HIF1A: variants seen among roughly 807,000 people sequenced by gnomAD.
HIF1A encodes the protein hypoxia-inducible factor 1-alpha.
HIF1A carries 24 observed loss-of-function variants against 92.7 expected under a neutral mutation model. That is an observed-to-expected ratio of 0.26 (90% CI 0.19 to 0.36). HIF1A has a LOEUF of 0.36. Among genes scored for constraint, HIF1A ranks in the 10% least tolerant of loss-of-function variants. The probability of loss-of-function intolerance (pLI) is 1.00; values close to 1 mark genes in which losing one functional copy is unlikely to be tolerated. For missense variants in HIF1A, 799 were observed against 998.5 expected (o/e 0.80, Z 2.69); for synonymous variants, 319 against 338.7 (o/e 0.94, Z 0.64).
At chr14:61,742,318 A>G (rs916416141) in intron 12 of HIF1A, among the ~76,000 whole-genome samples, 2 of 152,254 alleles carry the variant, frequency 1.3e-5, no homozygotes, top group Non-Finnish European at 2.9e-5. Context: ...TATCAATAGC[A>G]ATAGGAAAGA....
intron 1 of HIF1A, among the ~76,000 whole-genome samples, chr14:61,713,287 G>A (rs1295085720): frequency 6.6e-6 from 1 of 152,184 alleles, no homozygotes; most frequent in African/African-American, 2.4e-5. Context: ...TATGGTGATG[G>A]TTTCAGAAAG....
intron 4 of HIF1A, among the ~76,000 whole-genome samples, chr14:61,723,201 TATA>T (rs2044454624): frequency 6.6e-6 from 1 of 152,244 alleles, no homozygotes; most frequent in Non-Finnish European, 1.5e-5. Context: ...TCTCATTTAT[TATA>T]ATAATAGCTA....
chr14:61,716,221 A>G (rs566533418), intron 1 of HIF1A, among the ~76,000 whole-genome samples: 1 of 35,320 alleles, frequency 2.8e-5, no homozygotes, highest in African/African-American at 4.7e-5. Context: ...ATACACATTC[A>G]TGAACTGGCA....
intron 12 of HIF1A, among the ~76,000 whole-genome samples, chr14:61,742,438 T>A (rs1050576854): frequency 2.6e-5 from 4 of 152,156 alleles, no homozygotes; most frequent in African/African-American, 7.2e-5. Context: ...ACATTGGGGC[T>A]TTAGATGAAC....
chr14:61,726,672 G>A (rs1298868109), intron 4 of HIF1A, 34 bp from the exon 5 acceptor site: 2 of 1,340,626 alleles, frequency 1.5e-6, no homozygotes, highest in African/African-American at 3.0e-5. Context: ...TGTATATTTA[G>A]TTGCTTTAAA....
intron 1 of HIF1A, among the ~76,000 whole-genome samples, chr14:61,714,468 A>G (rs545367721): frequency 6.6e-6 from 1 of 152,340 alleles, no homozygotes; most frequent in Non-Finnish European, 1.5e-5. Flanking sequence ...CCTGTGGGAA[A>G]TGATGGAATT....
chr14:61,739,096 C>G (rs925428241), intron 10 of HIF1A, among the ~76,000 whole-genome samples: 1 of 152,104 alleles, frequency 6.6e-6, no homozygotes, highest in Non-Finnish European at 1.5e-5. Context: ...AATAGACTTA[C>G]GAGGGTTTAA....
At chr14:61,745,353 G>A (rs1243314878) in intron 13 of HIF1A, among the ~76,000 whole-genome samples, 5 of 152,188 alleles carry the variant, frequency 3.3e-5, no homozygotes, top group African/African-American at 1.2e-4. Context: ...AACCCGGGAG[G>A]TGGAGGTTGC....
At chr14:61,736,826 C>A in intron 8 of HIF1A, 63 bp from the exon 9 acceptor site, 1 of 1,124,592 alleles carries the variant, frequency 8.9e-7, no homozygotes, top group South Asian at 1.4e-5. Flanking sequence ...ATTTCACAGT[C>A]TCCCTTCCCC....
intron 8 of HIF1A, among the ~76,000 whole-genome samples, chr14:61,736,525 T>C (rs1369926521): frequency 6.6e-6 from 1 of 152,170 alleles, no homozygotes; most frequent in Non-Finnish European, 1.5e-5. Flanking sequence ...GCCATCTTTA[T>C]GTCCACAAGT....
intron 1 of HIF1A, among the ~76,000 whole-genome samples, chr14:61,713,831 G>A (rs1418646638): frequency 6.6e-6 from 1 of 152,190 alleles, no homozygotes; most frequent in African/African-American, 2.4e-5. Flanking sequence ...TGAGGGGGCA[G>A]TCTTGGGGAC....
At chr14:61,726,630 TG>T in intron 4 of HIF1A, 75 bp from the exon 5 acceptor site, 1 of 803,848 alleles carries the variant, frequency 1.2e-6, no homozygotes, top group Non-Finnish European at 2.0e-6. Context: ...ATCTAGGTGA[TG>T]GGCACTTTGT....
In HIF1A at chr14:61,720,950, A is replaced by G. The variant is rs1239225785; in HGVS notation, c.226+378A>G. ...CCATCTACCTTTCTTCCTTTAAAAA[A>G]CATGACTCAGGCCGGGCGCGGTGGC... is the stretch of plus-strand genomic sequence containing the variant. On this transcript the variant is annotated intron_variant, in intron 2 of 14. Coordinates refer to ENST00000337138, the MANE Select transcript of HIF1A (RefSeq NM_001530.4). Among the ~76,000 whole-genome samples the G allele has an allele frequency of 3.3e-5, 5 of 152,172 alleles. No individual in the cohort carries two copies. The East Asian group carries it at 9.6e-4, about 29-fold the overall frequency.
chr14:61,700,081 A>G (rs2044161795), intron 1 of HIF1A, among the ~76,000 whole-genome samples: 1 of 152,046 alleles, frequency 6.6e-6, no homozygotes, highest in African/African-American at 2.4e-5. Flanking sequence ...AAAATTTAAA[A>G]TTTTTGTTTC....
At chr14:61,723,289 CACA>C (rs3059957) in intron 4 of HIF1A, among the ~76,000 whole-genome samples, 109,459 of 151,970 alleles carry the variant, frequency 0.72, 44,921 homozygotes, top group Non-Finnish European at 0.9. Context: ...CTTTATTCCT[CACA>C]ACAACCCTGT....
intron 4 of HIF1A, among the ~76,000 whole-genome samples, chr14:61,724,869 CT>C (rs1375211056): frequency 2.0e-5 from 3 of 152,068 alleles, no homozygotes; most frequent in Non-Finnish European, 4.4e-5. Flanking sequence ...ACTGATTGTG[CT>C]TTTTTAAAGC....
At chr14:61,740,687 G>T in intron 11 of HIF1A, 60 bp downstream of exon 11, 2 of 1,542,400 alleles carry the variant, frequency 1.3e-6, no homozygotes, top group Non-Finnish European at 1.8e-6. Context: ...AAGTGACTTT[G>T]AGTTTCACTT....
In HIF1A at chr14:61,721,788, A is replaced by T. The variant is rs2044433364; in HGVS notation, c.422A>T (p.His141Leu). Residue 141 changes from histidine (H) to leucine (L), a missense_variant, in exon 4 of 15, where the codon CAT (histidine) becomes CTT (leucine). His to Leu is a moderately conservative substitution (Grantham distance 99). Around this residue, in one of 2 missense-constraint regions of HIF1A, gnomAD observed 516 missense variants for 721.0 expected, o/e 0.72. Coordinates refer to ENST00000337138, the MANE Select transcript of HIF1A (RefSeq NM_001530.4). ...TTTGATTTTACTCATCCATGTGACCATGAGGAAATGAGAGAAATGCTTACA... is the reference window on the plus strand; with the variant it reads ...TTTGATTTTACTCATCCATGTGACCTTGAGGAAATGAGAGAAATGCTTACA... ...SVFDFTHPCDHEEMREMLTHR... is the reference protein window; with the variant it reads ...SVFDFTHPCDLEEMREMLTHR... 1 of 1,613,386 alleles carries T rather than the reference A, an allele frequency of 6.2e-7. No individual in the cohort carries two copies. Among genetic ancestry groups the T allele is most frequent in the East Asian group, 2.2e-5 (1 of 44,774 alleles).
intron 8 of HIF1A, among the ~76,000 whole-genome samples, chr14:61,736,644 C>A (rs1384126097): frequency 3.3e-5 from 5 of 152,188 alleles, no homozygotes. Flanking sequence ...CATGTTGCTG[C>A]AAAGGACATT....
Sources: allele counts gnomAD v4.1 joint callset (sites outside exome capture counted in the v4.1 genomes callset), GRCh38; gene constraint gnomAD v4.1.1; regional missense constraint gnomAD v4.1.1; transcripts MANE v1.5; gene names NCBI Gene and HGNC (gene_info 2026-07-23, HGNC 2026-07-21).